The following ROBO2 variants were observed in gnomAD, a reference collection of about 807,000 sequenced individuals.
The protein encoded by ROBO2 is roundabout guidance receptor 2.
In ROBO2, 53 loss-of-function variants were observed where a neutral mutation model predicts 160.8. The observed-to-expected ratio is 0.33, with a 90% confidence interval of 0.26 to 0.41. ROBO2 has a LOEUF of 0.41. Among genes scored for constraint, ROBO2 ranks in the 10% least tolerant of loss-of-function variants. The probability of loss-of-function intolerance (pLI) is 1.00; values close to 1 mark genes in which losing one functional copy is unlikely to be tolerated. For missense variants in ROBO2, 1,577 were observed against 1,722.4 expected (o/e 0.92, Z 1.49); for synonymous variants, 664 against 611.7 (o/e 1.09, Z -1.26).
chr3:76,590,796 CATAAA>C (rs532399796), intron 2 of ROBO2, among the ~76,000 whole-genome samples: 4 of 151,974 alleles, frequency 2.6e-5, no homozygotes, highest in Non-Finnish European at 5.9e-5. Context: ...TTTTTAAATA[CATAAA>C]ATAAATCATC....
intron 2 of ROBO2, among the ~76,000 whole-genome samples, chr3:77,174,480 A>G (rs2079942762): frequency 6.6e-6 from 1 of 152,028 alleles, no homozygotes; most frequent in Admixed American, 6.6e-5. Context: ...TTTTTTAAAA[A>G]TTTATTTCTA....
chr3:76,403,121 C>T (rs192231532), intron 2 of ROBO2, among the ~76,000 whole-genome samples: 1 of 151,556 alleles, frequency 6.6e-6, no homozygotes, highest in Non-Finnish European at 1.5e-5. Context: ...AAGTTAATTC[C>T]CTTGGCATAA....
At chr3:77,361,488 C>A (rs1171405643) in intron 2 of ROBO2, among the ~76,000 whole-genome samples, 4 of 152,092 alleles carry the variant, frequency 2.6e-5, no homozygotes, top group Non-Finnish European at 5.9e-5. Context: ...ATAAGAAAGA[C>A]CTTAGGCTGA....
intron 8 of ROBO2, among the ~76,000 whole-genome samples, chr3:77,553,972 A>G (rs1214801354): frequency 1.3e-5 from 2 of 152,040 alleles, no homozygotes; most frequent in African/African-American, 4.8e-5. Flanking sequence ...GCATGCATAT[A>G]TTGAAAGAAG....
intron 2 of ROBO2, among the ~76,000 whole-genome samples, chr3:77,284,572 T>G (rs1435283485): frequency 6.6e-6 from 1 of 152,126 alleles, no homozygotes; most frequent in Admixed American, 6.6e-5. Flanking sequence ...TACATTACTG[T>G]AGTCTGTTCA....
rs528225487 is a variant in ROBO2, at chr3:77,311,443, A to G, written c.389-165971A>G. On this transcript the variant is annotated intron_variant, in intron 2 of 25. Transcript: ENST00000461745. ...ATATGTGGCTATGTAATTGGCTTCTATTGTTTTGCTCTTAACTCATCTAAG... is the reference window on the plus strand; with the variant it reads ...ATATGTGGCTATGTAATTGGCTTCTGTTGTTTTGCTCTTAACTCATCTAAG... 5.8e-4 allele frequency among the ~76,000 whole-genome samples: 88 copies of G among 152,314 alleles called. 3 individuals carry two copies. In the South Asian group the frequency reaches 0.018, roughly 31 times the overall value.
At chr3:76,509,241 C>G (rs2080955113) in intron 2 of ROBO2, among the ~76,000 whole-genome samples, 1 of 152,142 alleles carries the variant, frequency 6.6e-6, no homozygotes, top group South Asian at 2.1e-4. Flanking sequence ...CTCTCAGTTG[C>G]AGGCAGCCCC....
chr3:77,159,780 C>G (rs552548312), intron 2 of ROBO2, among the ~76,000 whole-genome samples: 1 of 152,068 alleles, frequency 6.6e-6, no homozygotes, highest in African/African-American at 2.4e-5. Context: ...AAATAAAAAT[C>G]CTGTTTTAGA....
At chr3:77,387,099 A>T (rs913188538) in intron 2 of ROBO2, among the ~76,000 whole-genome samples, 1 of 152,044 alleles carries the variant, frequency 6.6e-6, no homozygotes, top group Non-Finnish European at 1.5e-5. Context: ...CATTCATGAA[A>T]AATCTTGGAA....
chr3:77,278,215 A>T (rs1432887456), intron 2 of ROBO2, among the ~76,000 whole-genome samples: 1 of 152,146 alleles, frequency 6.6e-6, no homozygotes, highest in Non-Finnish European at 1.5e-5. Context: ...ATCTACTTAA[A>T]CAGCCATGCT....
chr3:76,142,428 A>G (rs1334368956), intron 2 of ROBO2, among the ~76,000 whole-genome samples: 3 of 152,008 alleles, frequency 2.0e-5, no homozygotes, highest in East Asian at 1.9e-4. Flanking sequence ...CCATCAGTAG[A>G]TGAATGGATA....
chr3:77,583,460 T>C (rs182394358), intron 16 of ROBO2, among the ~76,000 whole-genome samples: 1 of 152,154 alleles, frequency 6.6e-6, no homozygotes, highest in East Asian at 2.0e-4. Flanking sequence ...AGTGGAAGTG[T>C]CCAGGGAACT....
intron 2 of ROBO2, among the ~76,000 whole-genome samples, chr3:76,236,783 T>A (rs1016481433): frequency 1.8e-4 from 28 of 152,216 alleles, no homozygotes; most frequent in African/African-American, 6.7e-4. Flanking sequence ...TATTAACTAT[T>A]TGAATAGACA....
chr3:76,264,659 T>G (rs1490801564), intron 2 of ROBO2, among the ~76,000 whole-genome samples: 2 of 152,160 alleles, frequency 1.3e-5, no homozygotes, highest in Non-Finnish European at 2.9e-5. Context: ...TTCAATTTTT[T>G]CACTTTCAGA....
intron 2 of ROBO2, among the ~76,000 whole-genome samples, chr3:77,267,119 G>A (rs2059173700): frequency 6.6e-6 from 1 of 152,108 alleles, no homozygotes; most frequent in Non-Finnish European, 1.5e-5. Flanking sequence ...TAAAAGTTCA[G>A]GGATTATTCA....
At chr3:76,774,464 A>G (rs903810753) in intron 2 of ROBO2, among the ~76,000 whole-genome samples, 3 of 150,936 alleles carry the variant, frequency 2.0e-5, no homozygotes, top group Non-Finnish European at 3.0e-5. Context: ...AATTCATCGT[A>G]TATCTTAGTT....
chr3:76,877,694 CA>C (rs1388553997), intron 2 of ROBO2, among the ~76,000 whole-genome samples: 17 of 152,158 alleles, frequency 1.1e-4, no homozygotes, highest in African/African-American at 3.9e-4. Flanking sequence ...GCTGCCATAG[CA>C]AATTACCATA....
intron 2 of ROBO2, among the ~76,000 whole-genome samples, chr3:77,161,563 A>G (rs2078489154): frequency 2.0e-5 from 3 of 152,218 alleles, no homozygotes; most frequent in South Asian, 4.1e-4. Flanking sequence ...GTAGTTGAAC[A>G]TTATTTAGAT....
chr3:76,076,249 ATCAGAGTTTTT>A (rs1357209768), intron 2 of ROBO2, among the ~76,000 whole-genome samples: 2 of 152,214 alleles, frequency 1.3e-5, no homozygotes, highest in East Asian at 3.9e-4. Flanking sequence ...ATAACCATGT[ATCAGAGTTTTT>A]TTGGTCTGAA....
Sources: allele counts gnomAD v4.1 joint callset (sites outside exome capture counted in the v4.1 genomes callset), GRCh38; gene constraint gnomAD v4.1.1; transcripts MANE v1.5; gene names NCBI Gene and HGNC (gene_info 2026-07-23, HGNC 2026-07-21).